The following PLVAP variants were observed in gnomAD, a reference collection of about 807,000 sequenced individuals.
The protein encoded by PLVAP is plasmalemma vesicle associated protein.
In PLVAP, 34 loss-of-function variants were observed where a neutral mutation model predicts 43.1. That is an observed-to-expected ratio of 0.79 (90% CI 0.60 to 1.05). PLVAP has a LOEUF of 1.05. Among genes scored for constraint, PLVAP ranks in the 50% least tolerant of loss-of-function variants. The pLI is 0.00. For synonymous variants in PLVAP, 241 were observed against 237.3 expected (o/e 1.02, Z -0.14); for missense variants, 574 against 593.4 (o/e 0.97, Z 0.34).
At chr19:17,367,790 A>G (rs2074556187) in intron 1 of PLVAP, among the ~76,000 whole-genome samples, 1 of 152,158 alleles carries the variant, frequency 6.6e-6, no homozygotes, top group Non-Finnish European at 1.5e-5. Context: ...GGTGTGCACC[A>G]CCATGCCTGG....
chr19:17,365,305 T>C lies in PLVAP; in HGVS notation c.1160A>G (p.Asp387Gly). The C allele has an allele frequency of 6.2e-7, 1 of 1,612,588 alleles. No individual in the cohort carries two copies. The highest frequency in any genetic ancestry group is 2.2e-5 in the East Asian group (1 of 44,864). ...MELAIRNSAL[D>G]TCIKTKSQPM... is the part of the protein sequence containing the mutation. ...GCCCACCTTGGTCTTGATGCAGGTGTCCAGGGCTGAGTTTCTGATGGCCAG... is the reference window on the plus strand; with the variant it reads ...GCCCACCTTGGTCTTGATGCAGGTGCCCAGGGCTGAGTTTCTGATGGCCAG... The change falls in exon 3 of 6, where the codon GAC (aspartate) becomes GGC (glycine). Residue 387 changes from aspartate to glycine, a missense_variant. Coordinates refer to ENST00000252590, the MANE Select transcript of PLVAP (RefSeq NM_031310.3).
rs59152541 is a variant in PLVAP, at chr19:17,373,065, C to CAAA, written c.369+3852_369+3854dup. On this transcript the variant is annotated intron_variant, in intron 1 of 5. Coordinates refer to ENST00000252590, the MANE Select transcript of PLVAP (RefSeq NM_031310.3). ...TTGGCGACAGAGCTAGACTCTGTCT[C>CAAA]AAAAAAAAAAAAAAAAAAAAAAAAA... Among the ~76,000 whole-genome samples the CAAA allele has an allele frequency of 3.0e-3, 136 of 45,656 alleles. 3 individuals carry two copies. Among genetic ancestry groups the CAAA allele is most frequent in the Middle Eastern group, 0.026 (1 of 38 alleles). The allele number at this position is 45,656 out of a possible 152,430, so 30.0% of individuals were successfully genotyped here. A position where few individuals can be genotyped will look rare whatever the true frequency, so the allele number is the denominator to read the frequency against.
intron 5 of PLVAP, among the ~76,000 whole-genome samples, chr19:17,357,431 G>A (rs565180112): frequency 2.6e-5 from 4 of 152,190 alleles, no homozygotes; most frequent in African/African-American, 4.8e-5. Flanking sequence ...GGGAGGCCGA[G>A]GCAGGAAGAT....
chr19:17,372,344 G>A lies in PLVAP; in HGVS notation c.369+4576C>T, dbSNP rs1171479104. On this transcript the variant is annotated intron_variant, in intron 1 of 5. Coordinates refer to ENST00000252590, the MANE Select transcript of PLVAP (RefSeq NM_031310.3). ...GAATCACTTGAACCCGGGAGGCAGA[G>A]GTTGTAGGGAGCTGAGATTGCGCCA... is the stretch of plus-strand genomic sequence containing the variant. 2.0e-5 allele frequency among the ~76,000 whole-genome samples: 3 copies of A among 150,964 alleles called. No homozygotes were observed. The East Asian group carries it at 5.9e-4, about 30-fold the overall frequency.
At chr19:17,356,546 C>T (rs1032017433) in intron 5 of PLVAP, among the ~76,000 whole-genome samples, 20 of 152,066 alleles carry the variant, frequency 1.3e-4, no homozygotes, top group South Asian at 2.1e-4. Flanking sequence ...GCTATGTTGC[C>T]CAGGCTGGAC....
At chr19:17,355,797 G>A (rs991368345) in intron 5 of PLVAP, among the ~76,000 whole-genome samples, 2 of 152,030 alleles carry the variant, frequency 1.3e-5, no homozygotes, top group Non-Finnish European at 1.5e-5. Flanking sequence ...GCCTCCCAAA[G>A]TTCTGGGATT....
intron 5 of PLVAP, among the ~76,000 whole-genome samples, chr19:17,358,265 A>AG (rs1182299939): frequency 2.4e-5 from 3 of 126,466 alleles, no homozygotes; most frequent in Admixed American, 7.3e-5. Flanking sequence ...GTATGCAAGA[A>AG]GGAAAAAAAA....
chr19:17,352,201 G>T lies in PLVAP; in HGVS notation c.*161C>A, dbSNP rs1332943597. 1 of 965,498 alleles carries T rather than the reference G, an allele frequency of 1.0e-6. No individual in the cohort carries two copies. The highest frequency in any genetic ancestry group is 1.6e-6 in the Non-Finnish European group (1 of 642,508). 59.8% of individuals were successfully genotyped at this position (965,498 alleles called of 1,614,324 possible). The stretch of plus-strand genomic sequence containing the variant: ...GATCGTGAGGCGCGGGTGCGGGTGT[G>T]AGAGGGTACTAGGGGTTTGCATGCA... On this transcript the variant is annotated 3_prime_UTR_variant, in exon 6 of 6. Coordinates refer to ENST00000252590, the MANE Select transcript of PLVAP (RefSeq NM_031310.3).
At chr19:17,360,694 G>C (rs559372963) in intron 4 of PLVAP, 78 bp downstream of exon 4, 32 of 1,576,816 alleles carry the variant, frequency 2.0e-5, no homozygotes, top group Non-Finnish European at 2.7e-5. Context: ...GCCCAGGGGA[G>C]TGGGAAAGTG....
rs917697495 is a variant in PLVAP at position 17,360,542 on chromosome 19, A to G, written c.1308T>C (p.Pro436=). The G allele has an allele frequency of 1.9e-6, 3 of 1,613,982 alleles. No individual in the cohort carries two copies. In the African/African-American group the frequency reaches 4.0e-5, roughly 22 times the overall value. ...LESQRPPAGI[P]VAPSSG ...CAGTGCCTTACCTGGATGGGGCTAC[A>G]GGGATGCCTGCAGGGGGCCTCTGGG... is the stretch of plus-strand genomic sequence containing the variant. The change falls in exon 5 of 6, where the codon CCT becomes CCC. Residue 436 remains proline (P), a synonymous_variant. Coordinates refer to ENST00000252590, the MANE Select transcript of PLVAP (RefSeq NM_031310.3).
intron 1 of PLVAP, among the ~76,000 whole-genome samples, chr19:17,368,838 C>T (rs2074560407): frequency 6.6e-6 from 1 of 152,088 alleles, no homozygotes; most frequent in South Asian, 2.1e-4. Context: ...ATTAGCAGGG[C>T]ATGTTGGTGG....
In PLVAP at chr19:17,377,154, G is replaced by A. The variant is rs2074599320; in HGVS notation, c.135C>T (p.Leu45=). 1.2e-6 allele frequency: 2 copies of A among 1,614,140 alleles called. No individual in the cohort carries two copies. The highest frequency in any genetic ancestry group is 8.5e-7 in the Non-Finnish European group (1 of 1,180,020). ...IQFLIILGLV[L]FMVYGNVHVS... is the part of the protein sequence containing the mutation. Reference sequence around the variant, plus strand: ...CGTGCACGTTGCCATAGACCATGAAGAGCACGAGCCCCAGGATGATGAGGA... The same window carrying A: ...CGTGCACGTTGCCATAGACCATGAAAAGCACGAGCCCCAGGATGATGAGGA... The change falls in exon 1 of 6, where the codon CTC becomes CTT. Residue 45 remains leucine, a synonymous_variant. Transcript: ENST00000252590.
At chr19:17,357,099 G>T (rs756689206) in intron 5 of PLVAP, among the ~76,000 whole-genome samples, 2 of 151,966 alleles carry the variant, frequency 1.3e-5, no homozygotes, top group Non-Finnish European at 2.9e-5. Context: ...GGCCAACATG[G>T]TGAAACCCCA....
chr19:17,365,976 C>T lies in PLVAP; in HGVS notation c.489G>A (p.Gln163=). The change falls in exon 3 of 6, where the codon CAG becomes CAA. Residue 163 remains glutamine (Q), a synonymous_variant. Coordinates refer to ENST00000252590, the MANE Select transcript of PLVAP (RefSeq NM_031310.3). ...SCDALLFMLN[Q]KVKTLEVEIA... is the part of the protein sequence containing the mutation. ...TCTCCACCTCCAGCGTCTTCACCTT[C>T]TGATTCAGCATGAAGAGCAAGGCTA... 1.2e-6 allele frequency: 2 copies of T among 1,613,586 alleles called. No individual in the cohort carries two copies. Among genetic ancestry groups the T allele is most frequent in the Non-Finnish European group, 1.7e-6 (2 of 1,179,590 alleles).
At chr19:17,362,368 A>AC (rs1376549510) in intron 3 of PLVAP, 2 of 151,648 alleles carry the variant, frequency 1.3e-5, no homozygotes, top group African/African-American at 4.9e-5. Flanking sequence ...ATTGGCATCT[A>AC]CCCCAAATTT....
At chr19:17,373,625 C>T (rs1053663081) in intron 1 of PLVAP, among the ~76,000 whole-genome samples, 4 of 152,030 alleles carry the variant, frequency 2.6e-5, no homozygotes, top group Non-Finnish European at 5.9e-5. Flanking sequence ...GAGAGAGCCC[C>T]ACACCTGCTC....
intron 3 of PLVAP, among the ~76,000 whole-genome samples, chr19:17,363,492 C>T (rs964947648): frequency 3.3e-5 from 5 of 151,896 alleles, no homozygotes; most frequent in Admixed American, 1.3e-4. Flanking sequence ...TCTAATGGTC[C>T]CATTGCCCAA....
intron 1 of PLVAP, among the ~76,000 whole-genome samples, chr19:17,375,646 C>T (rs1175563193): frequency 1.3e-5 from 2 of 151,910 alleles, no homozygotes; most frequent in African/African-American, 2.4e-5. Context: ...CTATGGGAGG[C>T]CGAGGTGGGT....
intron 3 of PLVAP, among the ~76,000 whole-genome samples, chr19:17,361,923 T>TC (rs2074530177): frequency 7.0e-6 from 1 of 143,150 alleles, no homozygotes; most frequent in East Asian, 2.1e-4. Context: ...TAAAAAAAAA[T>TC]AAAAAAAAAA....
Sources: gnomAD v4.1 joint callset for allele counts (sites outside exome capture counted in the v4.1 genomes callset) on GRCh38, gnomAD v4.1.1 for gene constraint, MANE v1.5 for transcripts, NCBI Gene and HGNC (gene_info 2026-07-23, HGNC 2026-07-21) for gene names.